The following CDH12 variants were observed in gnomAD, a reference collection of about 807,000 sequenced individuals.
CDH12 encodes the protein cadherin 12, also known as cadherin-12.
CDH12 carries 41 observed loss-of-function variants against 74.1 expected under a neutral mutation model. The ratio of observed to expected loss-of-function variants is 0.55; its 90% confidence interval spans 0.43 to 0.72. CDH12 has a LOEUF of 0.72. CDH12 is among the 30% of genes least tolerant of loss of function. The pLI, the probability that CDH12 is intolerant of heterozygous loss-of-function variation, is 0.00. For synonymous variants in CDH12, 399 were observed against 355.0 expected (o/e 1.12, Z -1.39); for missense variants, 945 against 977.2 (o/e 0.97, Z 0.44).
intron 3 of CDH12, among the ~76,000 whole-genome samples, chr5:22,354,678 C>A (rs1300647214): frequency 6.6e-6 from 1 of 152,094 alleles, no homozygotes; most frequent in African/African-American, 2.4e-5. Flanking sequence ...CTAGCACTAG[C>A]TCCAAAGGCA....
chr5:21,979,837 T>C (rs1757230277), intron 5 of CDH12, among the ~76,000 whole-genome samples: 1 of 151,956 alleles, frequency 6.6e-6, no homozygotes, highest in Non-Finnish European at 1.5e-5. Context: ...GTATTTCTAG[T>C]TCTAGATCCC....
intron 5 of CDH12, among the ~76,000 whole-genome samples, chr5:22,041,062 A>C (rs1739541602): frequency 6.6e-6 from 1 of 152,098 alleles, no homozygotes; most frequent in Non-Finnish European, 1.5e-5. Context: ...TATAGGGGGA[A>C]AGGTAAAAGT....
chr5:21,790,234 A>G (rs1746414926), intron 10 of CDH12, among the ~76,000 whole-genome samples: 1 of 152,152 alleles, frequency 6.6e-6, no homozygotes, highest in Admixed American at 6.6e-5. Flanking sequence ...ATCACCACAT[A>G]TACAGGTTAT....
chr5:22,322,666 A>T (rs1738935173), intron 3 of CDH12, among the ~76,000 whole-genome samples: 1 of 152,202 alleles, frequency 6.6e-6, no homozygotes, highest in Non-Finnish European at 1.5e-5. Flanking sequence ...ATAATTTGAA[A>T]TCAGATTTAT....
chr5:21,904,599 T>A (rs1260857062), intron 6 of CDH12, among the ~76,000 whole-genome samples: 1 of 151,832 alleles, frequency 6.6e-6, no homozygotes, highest in Non-Finnish European at 1.5e-5. Flanking sequence ...AGAGTCCCTG[T>A]CTCTACAAAA....
intron 3 of CDH12, among the ~76,000 whole-genome samples, chr5:22,234,304 T>C (rs1752487347): frequency 6.6e-6 from 1 of 152,090 alleles, no homozygotes; most frequent in Non-Finnish European, 1.5e-5. Flanking sequence ...AATTCCCACG[T>C]GTTGTGGGAA....
At chr5:21,974,946 T>G in intron 6 of CDH12, 145 bp downstream of exon 6, 3 of 637,258 alleles carry the variant, frequency 4.7e-6, no homozygotes. Context: ...ACAAAAAAGT[T>G]ACAAAAATAA....
chr5:22,151,221 A>T (rs1353843274), intron 4 of CDH12, among the ~76,000 whole-genome samples: 1 of 152,146 alleles, frequency 6.6e-6, no homozygotes, highest in Non-Finnish European at 1.5e-5. Flanking sequence ...ATTCAAATAC[A>T]TGCAGCCTGA....
At chr5:21,946,439 G>T (rs1755582796) in intron 6 of CDH12, among the ~76,000 whole-genome samples, 2 of 152,084 alleles carry the variant, frequency 1.3e-5, no homozygotes, top group Non-Finnish European at 2.9e-5. Flanking sequence ...GATGCTCAAG[G>T]AACATAGAGG....
chr5:22,671,268 T>G (rs1283217525), intron 1 of CDH12, among the ~76,000 whole-genome samples: 4 of 152,188 alleles, frequency 2.6e-5, no homozygotes, highest in East Asian at 1.9e-4. Context: ...TGTGTGTGTG[T>G]AGAGTAGTAA....
At chr5:21,970,217 G>T (rs1410614696) in intron 6 of CDH12, among the ~76,000 whole-genome samples, 2 of 152,156 alleles carry the variant, frequency 1.3e-5, no homozygotes, top group African/African-American at 4.8e-5. Flanking sequence ...CAAGGCGAAT[G>T]TCTTTATGTG....
chr5:22,559,392 A>C (rs1738944564), intron 1 of CDH12, among the ~76,000 whole-genome samples: 1 of 152,156 alleles, frequency 6.6e-6, no homozygotes, highest in African/African-American at 2.4e-5. Flanking sequence ...AAACAACAAA[A>C]GAGAAAAACA....
chr5:22,723,344 C>CG (rs1561603753), intron 1 of CDH12, among the ~76,000 whole-genome samples: 5 of 152,014 alleles, frequency 3.3e-5, no homozygotes, highest in African/African-American at 9.7e-5. Context: ...CAAAGTATAA[C>CG]ATAAGATTTT....
chr5:22,135,818 C>T (rs1561148073), intron 4 of CDH12, among the ~76,000 whole-genome samples: 2 of 151,960 alleles, frequency 1.3e-5, no homozygotes, highest in Non-Finnish European at 2.9e-5. Flanking sequence ...TTAGATAAAA[C>T]AGTTGTGAGG....
chr5:22,551,668 G>T (rs1412773220), intron 1 of CDH12, among the ~76,000 whole-genome samples: 1 of 151,742 alleles, frequency 6.6e-6, no homozygotes, highest in Non-Finnish European at 1.5e-5. Flanking sequence ...TCTTGTGAGG[G>T]ACACAGATAG....
In CDH12 at chr5:22,480,836, C is replaced by A. The variant is rs111808202; in HGVS notation, c.-428+24434G>T. Among the ~76,000 whole-genome samples the A allele has an allele frequency of 3.8e-3, 581 of 152,230 alleles. 6 individuals are homozygous for A. Among genetic ancestry groups the A allele is most frequent in the African/African-American group, 0.013 (555 of 41,524 alleles). On this transcript the variant is annotated intron_variant, in intron 2 of 14. Coordinates refer to ENST00000382254, the MANE Select transcript of CDH12 (RefSeq NM_004061.5). ...GATCCAGGGTTTTTAAAAGTTTATT[C>A]TTCATCATTTCAAAAGATTATCAGT... is the stretch of plus-strand genomic sequence containing the variant.
intron 1 of CDH12, among the ~76,000 whole-genome samples, chr5:22,684,215 G>A (rs1741643980): frequency 2.0e-5 from 3 of 152,052 alleles, no homozygotes. Context: ...TGGGACACAC[G>A]AGACATTTTG....
At chr5:22,640,534 C>G (rs139448146) in intron 1 of CDH12, among the ~76,000 whole-genome samples, 246 of 152,286 alleles carry the variant, frequency 1.6e-3, no homozygotes, top group Middle Eastern at 6.8e-3. Flanking sequence ...ATCATTGGCT[C>G]ATTCCCATTC....
chr5:22,825,252 A>G (rs917128260), intron 1 of CDH12, among the ~76,000 whole-genome samples: 5 of 151,986 alleles, frequency 3.3e-5, no homozygotes, highest in Admixed American at 2.6e-4. Flanking sequence ...ATTTGTACAA[A>G]TGTACATATA....
Sources: allele counts gnomAD v4.1 joint callset (sites outside exome capture counted in the v4.1 genomes callset), GRCh38; gene constraint gnomAD v4.1.1; transcripts MANE v1.5; gene names NCBI Gene and HGNC (gene_info 2026-07-23, HGNC 2026-07-21).